The following PDE10A variants were observed in gnomAD, a reference collection of about 807,000 sequenced individuals.
PDE10A encodes the protein phosphodiesterase 10A.
PDE10A carries 39 observed loss-of-function variants against 97.7 expected under a neutral mutation model. The ratio of observed to expected loss-of-function variants is 0.40; its 90% confidence interval spans 0.31 to 0.52. The LOEUF is 0.52. Ranked by LOEUF, PDE10A falls within the 20% of genes least tolerant of loss-of-function variation. PDE10A has a pLI of 0.56. For missense variants in PDE10A, 731 were observed against 1,047.8 expected (o/e 0.70, Z 4.17); for synonymous variants, 371 against 376.8 (o/e 0.98, Z 0.18).
At chr6:165,983,849 T>G (rs993779218) in intron 1 of PDE10A, among the ~76,000 whole-genome samples, 1 of 152,244 alleles carries the variant, frequency 6.6e-6, no homozygotes, top group Admixed American at 6.5e-5. Context: ...TAAGGGGTTA[T>G]GTGTCATGAA....
chr6:165,897,506 G>T (rs1396192719), intron 1 of PDE10A, among the ~76,000 whole-genome samples: 6 of 152,080 alleles, frequency 3.9e-5, no homozygotes, highest in Non-Finnish European at 7.4e-5. Context: ...GTCCCTGGAG[G>T]GGAAGGGATG....
chr6:165,481,047 C>T (rs1779578525), intron 3 of PDE10A, among the ~76,000 whole-genome samples: 1 of 152,060 alleles, frequency 6.6e-6, no homozygotes, highest in Admixed American at 6.5e-5. Flanking sequence ...TTTCTAATGG[C>T]CTTATAAAAC....
chr6:165,765,479 G>A (rs186211987), intron 1 of PDE10A, among the ~76,000 whole-genome samples: 6,766 of 152,324 alleles, frequency 0.044, 218 homozygotes, highest in South Asian at 0.18. Context: ...GCGCCGGTGG[G>A]CTGGCACTGC....
At chr6:165,739,654 A>G (rs79058150) in intron 1 of PDE10A, among the ~76,000 whole-genome samples, 1 of 152,348 alleles carries the variant, frequency 6.6e-6, no homozygotes, top group East Asian at 1.9e-4. Context: ...GATTACATCA[A>G]ACAAAAAAGC....
Position 165,434,134 on chromosome 6 carries a change from G to C in PDE10A, c.1336-1005C>G, listed in dbSNP as rs147702711. ...TGTAAGAAGCTATCAGGATGAATTA[G>C]AACTTCATGAAATAGTGTAACTCTG... On this transcript the variant is annotated intron_variant, in intron 6 of 21. Coordinates refer to ENST00000539869, the MANE Select transcript of PDE10A (RefSeq NM_001385079.1). 3.9e-4 allele frequency among the ~76,000 whole-genome samples: 59 copies of C among 151,022 alleles called. No individual in the cohort carries two copies. In the East Asian group the frequency reaches 0.01, roughly 26 times the overall value.
At chr6:165,513,939 A>G (rs1297436492) in intron 2 of PDE10A, among the ~76,000 whole-genome samples, 2 of 152,154 alleles carry the variant, frequency 1.3e-5, no homozygotes, top group Non-Finnish European at 1.5e-5. Context: ...TGTGATTTGT[A>G]AAAAATATAA....
chr6:165,911,463 T>C (rs765013960), intron 1 of PDE10A, among the ~76,000 whole-genome samples: 1 of 152,190 alleles, frequency 6.6e-6, no homozygotes, highest in Non-Finnish European at 1.5e-5. Flanking sequence ...ATTCTATTGA[T>C]GAGGAACTTG....
chr6:165,800,730 G>C (rs1278731160), intron 1 of PDE10A, among the ~76,000 whole-genome samples: 1 of 152,238 alleles, frequency 6.6e-6, no homozygotes. Flanking sequence ...GGCAAGGTAC[G>C]ACTACAACGC....
At chr6:165,573,035 A>G (rs1012096211) in intron 1 of PDE10A, among the ~76,000 whole-genome samples, 1 of 152,168 alleles carries the variant, frequency 6.6e-6, no homozygotes, top group Non-Finnish European at 1.5e-5. Context: ...TTAATGACTA[A>G]AAGTTTTATA....
intron 1 of PDE10A, among the ~76,000 whole-genome samples, chr6:165,611,781 C>T (rs1445218809): frequency 6.6e-6 from 1 of 152,182 alleles, no homozygotes; most frequent in Non-Finnish European, 1.5e-5. Context: ...TGCATACAAC[C>T]ATAAGTATAA....
chr6:165,785,257 T>C (rs1483005277), intron 1 of PDE10A, among the ~76,000 whole-genome samples: 1 of 152,230 alleles, frequency 6.6e-6, no homozygotes, highest in Non-Finnish European at 1.5e-5. Context: ...AACCTAATGC[T>C]TGACATGTCC....
intron 1 of PDE10A, among the ~76,000 whole-genome samples, chr6:165,612,687 G>A (rs78756787): frequency 0.011 from 1,645 of 152,184 alleles, 13 homozygotes; most frequent in Non-Finnish European, 0.016. Flanking sequence ...GTCTCATGTT[G>A]AGATGAATGC....
chr6:165,723,994 T>C (rs1466735062), intron 1 of PDE10A, among the ~76,000 whole-genome samples: 1 of 152,206 alleles, frequency 6.6e-6, no homozygotes, highest in Non-Finnish European at 1.5e-5. Flanking sequence ...CAATCAGGGC[T>C]ACTCCAGATT....
intron 10 of PDE10A, among the ~76,000 whole-genome samples, chr6:165,420,030 C>G (rs1788585021): frequency 6.6e-6 from 1 of 152,186 alleles, no homozygotes; most frequent in African/African-American, 2.4e-5. Flanking sequence ...TACGCAGGGA[C>G]TGAGTATACT....
At chr6:165,407,010 C>G (rs936341036) in intron 13 of PDE10A, among the ~76,000 whole-genome samples, 1 of 152,130 alleles carries the variant, frequency 6.6e-6, no homozygotes, top group Non-Finnish European at 1.5e-5. Flanking sequence ...CTGAGCTATG[C>G]TACTGGCTTT....
intron 1 of PDE10A, among the ~76,000 whole-genome samples, chr6:165,582,241 T>G (rs1437316569): frequency 6.6e-6 from 1 of 152,150 alleles, no homozygotes; most frequent in Admixed American, 6.5e-5. Context: ...CATAACAGCA[T>G]ATTTCTCTAT....
At chr6:165,524,847 G>A (rs902886888) in intron 2 of PDE10A, among the ~76,000 whole-genome samples, 3 of 152,216 alleles carry the variant, frequency 2.0e-5, no homozygotes, top group African/African-American at 7.2e-5. Flanking sequence ...TGGGGACATA[G>A]AGGAGGACCC....
chr6:165,755,226 T>C (rs1793090724), intron 1 of PDE10A, among the ~76,000 whole-genome samples: 1 of 152,202 alleles, frequency 6.6e-6, no homozygotes, highest in Non-Finnish European at 1.5e-5. Flanking sequence ...GAAAGTGGCC[T>C]GAATTGTCAT....
rs142325895 is a variant in PDE10A at position 165,613,351 on chromosome 6, T to A, written c.865+48596A>T. ...TAGAATTTCAGAGGTTATAAAACAC[T>A]ATTATTTGGCCAGGTGTGGTGGCTC... On this transcript the variant is annotated intron_variant, in intron 1 of 21. Coordinates refer to ENST00000539869, the MANE Select transcript of PDE10A (RefSeq NM_001385079.1). Among the ~76,000 whole-genome samples the A allele has an allele frequency of 4.6e-3, 706 of 152,264 alleles. 11 individuals carry two copies. Among genetic ancestry groups the A allele is most frequent in the African/African-American group, 0.016 (675 of 41,562 alleles).
Sources: allele counts gnomAD v4.1 joint callset (sites outside exome capture counted in the v4.1 genomes callset), GRCh38; gene constraint gnomAD v4.1.1; transcripts MANE v1.5; gene names NCBI Gene and HGNC (gene_info 2026-07-23, HGNC 2026-07-21).